Variants in PALS2 observed in about 807,000 individuals in gnomAD.
PALS2 encodes the protein protein PALS2.
PALS2 carries 27 observed loss-of-function variants against 61.6 expected under a neutral mutation model. The observed-to-expected ratio is 0.44, with a 90% CI of 0.32 to 0.60. The LOEUF (loss-of-function observed/expected upper bound fraction) is 0.60. PALS2 is among the 20% of genes least tolerant of loss of function. The pLI is 0.05. For missense variants in PALS2, 554 were observed against 639.4 expected, an observed-to-expected ratio of 0.87 and a Z score of 1.44; for synonymous variants, 236 against 218.6, an observed-to-expected ratio of 1.08 and a Z score of -0.70.
intron 5 of PALS2, among the ~76,000 whole-genome samples, chr7:24,651,046 C>G (rs1786124855): frequency 6.6e-6 from 1 of 151,650 alleles, no homozygotes; most frequent in Admixed American, 6.6e-5. Flanking sequence ...TGTATTAGGC[C>G]CTGGGAGAGG....
intron 2 of PALS2, among the ~76,000 whole-genome samples, chr7:24,640,186 TTTTG>T (rs1454175936): frequency 6.6e-6 from 1 of 152,110 alleles, no homozygotes; most frequent in Non-Finnish European, 1.5e-5. Context: ...ATATTTTTCT[TTTTG>T]TTTAGTAAGA....
intron 1 of PALS2, among the ~76,000 whole-genome samples, chr7:24,616,834 G>A (rs1380663465): frequency 6.6e-6 from 1 of 152,050 alleles, no homozygotes; most frequent in Non-Finnish European, 1.5e-5. Context: ...TTCTTTTGCT[G>A]TTTTTAGAAC....
chr7:24,620,957 A>G (rs1048205353), intron 1 of PALS2, among the ~76,000 whole-genome samples: 2 of 152,158 alleles, frequency 1.3e-5, no homozygotes, highest in African/African-American at 2.4e-5. Flanking sequence ...TCCATAATAA[A>G]AGCTAAAAAT....
chr7:24,612,824 C>T (rs1784161410), intron 1 of PALS2, among the ~76,000 whole-genome samples: 1 of 151,838 alleles, frequency 6.6e-6, no homozygotes, highest in Admixed American at 6.6e-5. Context: ...TACTACATTA[C>T]TTAAAACTTA....
intron 1 of PALS2, among the ~76,000 whole-genome samples, chr7:24,598,567 A>AT (rs1304213388): frequency 2.0e-5 from 3 of 152,216 alleles, no homozygotes; most frequent in Non-Finnish European, 4.4e-5. Flanking sequence ...AGTCTTTCAT[A>AT]TAAGAAATGT....
intron 5 of PALS2, among the ~76,000 whole-genome samples, chr7:24,660,502 TGAG>T (rs1174658618): frequency 2.0e-5 from 3 of 152,136 alleles, no homozygotes. Context: ...CCATCTGTCT[TGAG>T]GATATTTCCT....
rs76583996 is a variant in PALS2 at position 24,687,085 on chromosome 7, G to C, written c.1447-353G>C. Among the ~76,000 whole-genome samples, 3 of 152,114 alleles carry C rather than the reference G, an allele frequency of 2.0e-5. No homozygotes were observed. The highest frequency in any genetic ancestry group is 4.4e-5 in the Non-Finnish European group (3 of 68,016). On this transcript the variant is annotated intron_variant, in intron 11 of 11. Transcript: ENST00000222644. This position sits in a 1 kb window ranked among gnomAD's most constrained non-coding sequence, Gnocchi z 4.5. ...ATGGGCCATGAGATAAAAATCTTTC[G>C]AAAAGGATGATATAGTGGAGCTGGA...
At chr7:24,629,775 G>A (rs905978859) in intron 2 of PALS2, among the ~76,000 whole-genome samples, 10 of 152,214 alleles carry the variant, frequency 6.6e-5, no homozygotes, top group African/African-American at 2.4e-4. Context: ...AAACTGCAAT[G>A]AGATACCTTC....
rs143088158 is a variant in PALS2 at position 24,644,934 on chromosome 7, A to G, written c.270+3066A>G. On this transcript the variant is annotated intron_variant, in intron 3 of 11. Transcript: ENST00000222644. ...TTTTTTTCATATCCTTGTTGGCCAC[A>G]TGTATGTCTTCTTTTGAGAAGTGTC... Among the ~76,000 whole-genome samples, 385 of 152,132 alleles carry G rather than the reference A, an allele frequency of 2.5e-3. 1 individual carries two copies. The highest frequency in any genetic ancestry group is 0.01 in the Middle Eastern group (3 of 294).
At chr7:24,645,196 A>G (rs927115955) in intron 3 of PALS2, among the ~76,000 whole-genome samples, 3 of 152,070 alleles carry the variant, frequency 2.0e-5, no homozygotes, top group Non-Finnish European at 4.4e-5. Flanking sequence ...TTTGTTGTGA[A>G]ATCTTTGACC....
chr7:24,662,618 A>G (rs1786782266), intron 5 of PALS2, among the ~76,000 whole-genome samples: 1 of 151,958 alleles, frequency 6.6e-6, no homozygotes, highest in African/African-American at 2.4e-5. Flanking sequence ...AAAATACAAA[A>G]ATTAGCCAGG....
chr7:24,673,854 A>G (rs886442789), intron 9 of PALS2, among the ~76,000 whole-genome samples: 5 of 152,004 alleles, frequency 3.3e-5, no homozygotes, highest in Non-Finnish European at 5.9e-5. Context: ...TTTTTTAGAT[A>G]GGAAATTAGA....
At position 24,690,631 on chromosome 7, in the gene PALS2, G is replaced by A. The variant is rs1562673724; in HGVS notation, c.*3017G>A. Reference sequence around the variant, plus strand: ...GGATAAGTCATTTAACCATAGCTTAGTGAAATAAATGTGATGGCCCTAAAA... The same window carrying A: ...GGATAAGTCATTTAACCATAGCTTAATGAAATAAATGTGATGGCCCTAAAA... On this transcript the variant is annotated 3_prime_UTR_variant, in exon 12 of 12. Transcript: ENST00000222644. The A allele has an allele frequency of 6.6e-6, 1 of 152,136 alleles. No homozygotes were observed. 9.4% of individuals were successfully genotyped at this position (152,136 alleles called of 1,614,324 possible).
intron 1 of PALS2, among the ~76,000 whole-genome samples, chr7:24,606,546 A>G (rs780482077): frequency 6.6e-6 from 1 of 152,202 alleles, no homozygotes; most frequent in Non-Finnish European, 1.5e-5. Flanking sequence ...GAGTTGCAGA[A>G]TATAGATAAA....
intron 3 of PALS2, among the ~76,000 whole-genome samples, chr7:24,647,796 A>AT (rs1203760312): frequency 7.9e-5 from 12 of 152,056 alleles, no homozygotes; most frequent in Admixed American, 5.9e-4. Flanking sequence ...GGATCTATGG[A>AT]TTTTTTATTC....
intron 5 of PALS2, among the ~76,000 whole-genome samples, chr7:24,658,850 C>T (rs985300245): frequency 3.9e-5 from 6 of 152,058 alleles, no homozygotes; most frequent in African/African-American, 1.2e-4. Context: ...CCACTGCACC[C>T]GGCCCTTCCA....
intron 1 of PALS2, among the ~76,000 whole-genome samples, chr7:24,577,774 C>T (rs1421375457): frequency 6.6e-6 from 1 of 152,138 alleles, no homozygotes; most frequent in Non-Finnish European, 1.5e-5. Context: ...GCTACCTAAC[C>T]ATCCTTCCAG....
At chr7:24,574,702 G>C (rs1040334430) in intron 1 of PALS2, among the ~76,000 whole-genome samples, 1 of 152,162 alleles carries the variant, frequency 6.6e-6, no homozygotes, top group Admixed American at 6.5e-5. Flanking sequence ...AAGTGGTCTT[G>C]TAGTGTAGCT....
At chr7:24,588,611 A>G (rs1047000357) in intron 1 of PALS2, among the ~76,000 whole-genome samples, 1 of 152,122 alleles carries the variant, frequency 6.6e-6, no homozygotes, top group Admixed American at 6.6e-5. Context: ...GAACAACAAG[A>G]CCCTTAAGGG....
Sources: gnomAD v4.1 joint callset for allele counts (sites outside exome capture counted in the v4.1 genomes callset) on GRCh38, gnomAD v4.1.1 for gene constraint, Gnocchi (gnomAD v3.1) non-coding constraint, MANE v1.5 for transcripts, NCBI Gene and HGNC (gene_info 2026-07-23, HGNC 2026-07-21) for gene names.